The following RPS6KC1 variants were observed in gnomAD, a reference collection of about 807,000 sequenced individuals.
RPS6KC1 encodes inactive ribosomal protein S6 kinase delta-1.
Under a neutral mutation model 103.8 loss-of-function variants are expected in RPS6KC1, and 54 were observed. That is an observed-to-expected ratio of 0.52 (90% CI 0.42 to 0.65). RPS6KC1 has a LOEUF of 0.65. RPS6KC1 is among the 30% of genes least tolerant of loss of function. The probability of loss-of-function intolerance (pLI) is 0.00; values close to 1 mark genes in which losing one functional copy is unlikely to be tolerated. For missense variants in RPS6KC1, 1,151 were observed against 1,253.8 expected (o/e 0.92, Z 1.24); for synonymous variants, 439 against 438.7 (o/e 1.00, Z -0.01).
Position 213,261,651 on chromosome 1 carries a change from G to T in RPS6KC1, c.2994+11G>T. 2 of 1,607,688 alleles carry T rather than the reference G, an allele frequency of 1.2e-6. No homozygotes were observed. The highest frequency in any genetic ancestry group is 1.7e-6 in the Non-Finnish European group (2 of 1,174,342). On this transcript the variant is annotated intron_variant, in intron 13 of 14. Coordinates refer to ENST00000366960, the MANE Select transcript of RPS6KC1 (RefSeq NM_012424.6). ...CTTCTCACTGGCAAGGTAAGCAGTG[G>T]CCTGGACGTTTAATAAATTTACTCA...
the RPS6KC1 span, among the ~76,000 whole-genome samples, chr1:213,725,934 A>T: frequency 1.3e-5 from 2 of 152,132 alleles, no homozygotes; most frequent in Non-Finnish European, 1.5e-5. Context: ...TTGTGTTACA[A>T]TTTTAATTTT....
At chr1:213,130,072 G>A (rs1050373450) in intron 6 of RPS6KC1, among the ~76,000 whole-genome samples, 183 bp downstream of exon 6, 9 of 151,990 alleles carry the variant, frequency 5.9e-5, no homozygotes, top group African/African-American at 4.8e-5. Flanking sequence ...AGACATTATC[G>A]GAGGTACTTA....
the RPS6KC1 span, among the ~76,000 whole-genome samples, chr1:213,620,633 G>A: frequency 6.6e-6 from 1 of 152,216 alleles, no homozygotes. Context: ...TGAATTTGGA[G>A]CCATCTTCAA....
At chr1:213,253,164 G>T (rs184840136) in intron 12 of RPS6KC1, among the ~76,000 whole-genome samples, 257 of 152,288 alleles carry the variant, frequency 1.7e-3, no homozygotes, top group African/African-American at 5.8e-3. Context: ...AGAGAAGATA[G>T]CAACAACAGA....
chr1:213,623,867 C>T, the RPS6KC1 span, among the ~76,000 whole-genome samples: 1 of 152,178 alleles, frequency 6.6e-6, no homozygotes, highest in African/African-American at 2.4e-5. Context: ...TGTGTATTCA[C>T]CTGTCATCTT....
the RPS6KC1 span, among the ~76,000 whole-genome samples, chr1:213,804,154 A>T: frequency 6.7e-6 from 1 of 149,304 alleles, no homozygotes; most frequent in Non-Finnish European, 1.5e-5. Flanking sequence ...ACATAAAAAA[A>T]AAAATCAGTG....
chr1:213,437,484 G>T, the RPS6KC1 span, among the ~76,000 whole-genome samples: 2 of 151,886 alleles, frequency 1.3e-5, no homozygotes, highest in Non-Finnish European at 2.9e-5. Context: ...GTGCTTGTTT[G>T]GTTTTGCTAC....
intron 3 of RPS6KC1, among the ~76,000 whole-genome samples, chr1:213,081,165 A>G (rs1274534224): frequency 6.6e-6 from 1 of 152,120 alleles, no homozygotes. Flanking sequence ...TAGTCTGTGT[A>G]GTGTTGCTAC....
chr1:213,130,742 T>G (rs2085509761), intron 6 of RPS6KC1, among the ~76,000 whole-genome samples: 1 of 152,184 alleles, frequency 6.6e-6, no homozygotes, highest in Non-Finnish European at 1.5e-5. Context: ...TGTACCTGTC[T>G]GTATATGGAG....
At chr1:213,472,640 ATCAAATGTTGACAGTTTCCT>A in the RPS6KC1 span, among the ~76,000 whole-genome samples, 2 of 152,226 alleles carry the variant, frequency 1.3e-5, no homozygotes, top group African/African-American at 4.8e-5. Flanking sequence ...GGAAAGCACC[ATCAAATGTTGACAGTTTCCT>A]TGGAGCACCC....
intron 5 of RPS6KC1, among the ~76,000 whole-genome samples, chr1:213,121,749 T>C (rs934691670): frequency 3.3e-5 from 5 of 152,180 alleles, no homozygotes; most frequent in African/African-American, 1.2e-4. Flanking sequence ...CTCTTCCTAA[T>C]ACATCACTTT....
the RPS6KC1 span, among the ~76,000 whole-genome samples, chr1:213,851,428 AAAC>A: frequency 6.6e-6 from 1 of 152,096 alleles, no homozygotes; most frequent in African/African-American, 2.4e-5. Context: ...ATAAATGTGG[AAAC>A]CCAGCAGTCC....
chr1:213,229,328 C>CT (rs777168642), intron 8 of RPS6KC1, among the ~76,000 whole-genome samples: 17 of 151,294 alleles, frequency 1.1e-4, no homozygotes, highest in East Asian at 9.7e-4. Flanking sequence ...AGCTTAACAT[C>CT]TTTTTTTTTC....
chr1:213,182,207 A>G (rs2092304640), intron 8 of RPS6KC1, among the ~76,000 whole-genome samples: 1 of 152,196 alleles, frequency 6.6e-6, no homozygotes, highest in African/African-American at 2.4e-5. Flanking sequence ...AAAATGCTAT[A>G]TAGGTTGGGT....
chr1:213,514,167 C>T, the RPS6KC1 span, among the ~76,000 whole-genome samples: 1 of 152,112 alleles, frequency 6.6e-6, no homozygotes. Flanking sequence ...ATTCTTACAC[C>T]TAATTCACAA....
the RPS6KC1 span, among the ~76,000 whole-genome samples, chr1:213,376,934 T>C: frequency 6.6e-6 from 1 of 152,092 alleles, no homozygotes; most frequent in African/African-American, 2.4e-5. Flanking sequence ...GGGCTTGTGG[T>C]CGGGGGGACC....
chr1:213,331,538 G>A, the RPS6KC1 span, among the ~76,000 whole-genome samples: 7 of 152,254 alleles, frequency 4.6e-5, no homozygotes, highest in Non-Finnish European at 1.0e-4. Flanking sequence ...GGGGCATGTG[G>A]AGAGCATCTG....
intron 12 of RPS6KC1, among the ~76,000 whole-genome samples, chr1:213,257,415 C>A (rs941616357): frequency 3.9e-5 from 6 of 152,146 alleles, no homozygotes; most frequent in Non-Finnish European, 8.8e-5. Flanking sequence ...CTCCTTAGCA[C>A]ATGTTATTAG....
the RPS6KC1 span, among the ~76,000 whole-genome samples, chr1:213,543,958 AT>A: frequency 1.3e-5 from 2 of 152,146 alleles, no homozygotes; most frequent in Admixed American, 1.3e-4. Context: ...TAAGTAACCC[AT>A]TTCAGTGCAT....
Sources: allele counts gnomAD v4.1 joint callset (sites outside exome capture counted in the v4.1 genomes callset), GRCh38; gene constraint gnomAD v4.1.1; transcripts MANE v1.5; gene names NCBI Gene and HGNC (gene_info 2026-07-23, HGNC 2026-07-21).